Variants in LINGO2 observed in about 807,000 individuals in gnomAD.
LINGO2 encodes the protein leucine-rich repeat and immunoglobulin-like domain-containing nogo receptor-interacting protein 2.
A neutral mutation model predicts 30.6 loss-of-function variants in LINGO2; 14 were observed. That is an observed-to-expected ratio of 0.46 (90% confidence interval 0.30 to 0.72). LINGO2 has a LOEUF of 0.72. LINGO2 is among the 30% of genes least tolerant of loss of function. LINGO2 has a pLI of 0.07. For missense variants in LINGO2, 729 were observed against 751.7 expected (o/e 0.97, Z 0.35); for synonymous variants, 317 against 288.5 (o/e 1.10, Z -1.00).
In LINGO2 at chr9:28,581,923, G is replaced by A. The variant is rs575087675; in HGVS notation, c.-365+88277C>T. Among the ~76,000 whole-genome samples the A allele has an allele frequency of 9.2e-5, 14 of 151,906 alleles. No homozygotes were observed. In the East Asian group the frequency reaches 1.7e-3, roughly 19 times the overall value. On this transcript the variant is annotated intron_variant, in intron 1 of 5. Coordinates refer to ENST00000379992, the Ensembl canonical transcript of LINGO2. ...TTTCACTATTTTATTTTTTATTAAT[G>A]TTAGTCTAATTTTTAATCTCTCAAT... is the stretch of plus-strand genomic sequence containing the variant.
the LINGO2 span, among the ~76,000 whole-genome samples, chr9:28,767,606 A>T: frequency 6.6e-6 from 1 of 151,922 alleles, no homozygotes; most frequent in East Asian, 2.0e-4. Flanking sequence ...TAACACAGTG[A>T]AACCCCGTCT....
chr9:28,905,055 G>A, the LINGO2 span, among the ~76,000 whole-genome samples: 1 of 151,614 alleles, frequency 6.6e-6, no homozygotes, highest in Admixed American at 6.6e-5. Flanking sequence ...AATGGTTTAG[G>A]GAAAACCCAG....
chr9:28,406,341 C>CAGG (rs146570244), intron 2 of LINGO2, among the ~76,000 whole-genome samples: 139,574 of 151,862 alleles, frequency 0.92, 64,257 homozygotes, highest in East Asian at 1. Context: ...GAGGCTGAGG[C>CAGG]AGAATTGCTT....
intron 2 of LINGO2, among the ~76,000 whole-genome samples, chr9:28,411,584 G>T (rs1822765291): frequency 6.6e-6 from 1 of 152,042 alleles, no homozygotes; most frequent in East Asian, 1.9e-4. Context: ...ATAAGTTGTT[G>T]CATAAACCAT....
chr9:28,552,535 A>G (rs1822352213), intron 1 of LINGO2, among the ~76,000 whole-genome samples: 1 of 151,826 alleles, frequency 6.6e-6, no homozygotes, highest in Non-Finnish European at 1.5e-5. Context: ...CTTTTCAATG[A>G]TGTGTCTTAA....
chr9:28,085,638 T>G (rs1351860720), intron 4 of LINGO2, among the ~76,000 whole-genome samples: 1 of 152,062 alleles, frequency 6.6e-6, no homozygotes, highest in African/African-American at 2.4e-5. Context: ...TAAGGCAGAA[T>G]ATCCCTATAA....
intron 4 of LINGO2, among the ~76,000 whole-genome samples, chr9:28,263,812 A>G (rs1356463184): frequency 6.6e-6 from 1 of 151,982 alleles, no homozygotes; most frequent in Non-Finnish European, 1.5e-5. Context: ...GAACAGATTA[A>G]TCAGTTGGCT....
the LINGO2 span, among the ~76,000 whole-genome samples, chr9:29,047,461 G>A: frequency 0.36 from 54,178 of 151,798 alleles, 9,778 homozygotes; most frequent in East Asian, 0.48. Context: ...TAGTTCAACC[G>A]TTGTGAAAAG....
chr9:28,492,262 A>G (rs1188196148), intron 1 of LINGO2, among the ~76,000 whole-genome samples: 3 of 152,182 alleles, frequency 2.0e-5, no homozygotes, highest in African/African-American at 7.2e-5. Flanking sequence ...CAATTTGTCT[A>G]AACTATCCAG....
chr9:28,259,209 T>C (rs1260028973), intron 4 of LINGO2, among the ~76,000 whole-genome samples: 1 of 151,940 alleles, frequency 6.6e-6, no homozygotes, highest in Non-Finnish European at 1.5e-5. Flanking sequence ...ATAATTTCTC[T>C]TTTGTTTGGT....
At chr9:28,082,785 G>T (rs574361729) in intron 4 of LINGO2, among the ~76,000 whole-genome samples, 1 of 152,094 alleles carries the variant, frequency 6.6e-6, no homozygotes, top group Non-Finnish European at 1.5e-5. Context: ...GCGTTTTTCT[G>T]ACTCATATGG....
chr9:29,120,066 C>A, the LINGO2 span, among the ~76,000 whole-genome samples: 8 of 151,982 alleles, frequency 5.3e-5, no homozygotes, highest in Non-Finnish European at 1.2e-4. Flanking sequence ...GCCTTTTAGT[C>A]CTGTCATGAA....
the LINGO2 span, among the ~76,000 whole-genome samples, chr9:28,970,157 G>A: frequency 6.6e-6 from 1 of 152,144 alleles, no homozygotes; most frequent in Non-Finnish European, 1.5e-5. Flanking sequence ...GGGCACATCA[G>A]TGTTAGGAAG....
rs1554637636 is a variant in LINGO2, at chr9:28,561,567, T to TATATAATATAAGGTATTTAG, written c.-364-85543_-364-85542insCTAAATACCTTATATTATAT. ...ATCAGTAATTGGTTTAATAGATTTA[T>TATATAATATAAGGTATTTAG]ATATAATATAATGTGTTTATATATT... On this transcript the variant is annotated intron_variant, in intron 1 of 5. Transcript: ENST00000379992. 5.9e-4 allele frequency among the ~76,000 whole-genome samples: 82 copies of TATATAATATAAGGTATTTAG among 138,346 alleles called. 1 individual carries two copies. Among genetic ancestry groups the TATATAATATAAGGTATTTAG allele is most frequent in the African/African-American group, 2.2e-3 (78 of 34,766 alleles). 90.8% of individuals were successfully genotyped at this position (138,346 alleles called of 152,430 possible).
chr9:28,372,876 A>G lies in LINGO2; in HGVS notation c.-278-8T>C, dbSNP rs1462465076. On this transcript the variant is annotated splice_region_variant and splice_polypyrimidine_tract_variant and intron_variant, in intron 2 of 5. Transcript: ENST00000379992. ...CTGTTTTTCTCACTTCACCTAAAAA[A>G]TACAAAACACACACAAAAAGGAAAC... is the stretch of plus-strand genomic sequence containing the variant. 1 of 152,590 alleles carries G rather than the reference A, an allele frequency of 6.6e-6. No individual in the cohort carries two copies. The highest frequency in any genetic ancestry group is 1.5e-5 in the Non-Finnish European group (1 of 68,034). The allele number at this position is 152,590 out of a possible 1,614,324, so 9.5% of individuals were successfully genotyped here. A position where few individuals can be genotyped will look rare whatever the true frequency, so the allele number is the denominator to read the frequency against.
chr9:29,194,341 C>A, the LINGO2 span, among the ~76,000 whole-genome samples: 6 of 152,158 alleles, frequency 3.9e-5, no homozygotes, highest in Non-Finnish European at 8.8e-5. Context: ...TTGCTACCAA[C>A]CCCTACTGCT....
chr9:29,012,914 A>G, the LINGO2 span, among the ~76,000 whole-genome samples: 4 of 152,208 alleles, frequency 2.6e-5, no homozygotes, highest in African/African-American at 7.2e-5. Flanking sequence ...GTTCTTTTCT[A>G]TTAGTGAAAG....
At position 28,621,644 on chromosome 9, in the gene LINGO2, A is replaced by G. The variant is rs2135827998; in HGVS notation, c.-365+48556T>C. Among the ~76,000 whole-genome samples the G allele has an allele frequency of 1.3e-5, 2 of 152,122 alleles. 1 individual carries two copies. Among genetic ancestry groups the G allele is most frequent in the East Asian group, 3.9e-4 (2 of 5,180 alleles). ...TGGCATGGTGTCTTTTAACTCAGCA[A>G]GTTTCTGAGATTTATCAGTGTTTTT... On this transcript the variant is annotated intron_variant, in intron 1 of 5. Coordinates refer to ENST00000379992, the Ensembl canonical transcript of LINGO2.
chr9:29,080,538 C>A, the LINGO2 span, among the ~76,000 whole-genome samples: 1 of 151,680 alleles, frequency 6.6e-6, no homozygotes, highest in South Asian at 2.1e-4. Flanking sequence ...GTGATGTTAG[C>A]GTGTCAATTT....
Sources: gnomAD v4.1 joint callset for allele counts (sites outside exome capture counted in the v4.1 genomes callset) on GRCh38, gnomAD v4.1.1 for gene constraint, MANE v1.5 for transcripts, NCBI Gene and HGNC (gene_info 2026-07-23, HGNC 2026-07-21) for gene names.